Variants in SOX5 observed in about 807,000 individuals in gnomAD.
SOX5 encodes transcription factor SOX-5.
Under a neutral mutation model 92.0 loss-of-function variants are expected in SOX5, and 9 were observed. The ratio of observed to expected loss-of-function variants is 0.10; its 90% CI spans 0.06 to 0.17. The LOEUF (loss-of-function observed/expected upper bound fraction) is 0.17, where lower values mean the gene tolerates loss of function less well. Among genes scored for constraint, SOX5 ranks in the 10% least tolerant of loss-of-function variants. The pLI is 1.00. For missense variants in SOX5, 642 were observed against 944.5 expected (o/e 0.68, Z 4.20); for synonymous variants, 344 against 336.3 (o/e 1.02, Z -0.25).
At chr12:24,331,873 A>AAAAAAAAAAAAAAAT (rs777785887) in intron 2 of SOX5, among the ~76,000 whole-genome samples, 2 of 141,200 alleles carry the variant, frequency 1.4e-5, no homozygotes, top group Non-Finnish European at 3.2e-5. Flanking sequence ...AAAAAAAAAA[A>AAAAAAAAAAAAAAAT]AAGGAAAGAA....
intron 9 of SOX5, among the ~76,000 whole-genome samples, chr12:23,603,467 T>TAAAATA (rs1566226312): frequency 1.1e-5 from 1 of 92,044 alleles, no homozygotes; most frequent in Non-Finnish European, 2.9e-5. Flanking sequence ...TATATATATA[T>TAAAATA]TTTGCTGGTA....
intron 9 of SOX5, among the ~76,000 whole-genome samples, chr12:23,603,467 T>TATATATATATATATA (rs1566226312): frequency 1.1e-5 from 1 of 92,050 alleles, no homozygotes; most frequent in Non-Finnish European, 2.9e-5. Flanking sequence ...TATATATATA[T>TATATATATATATATA]TTTGCTGGTA....
intron 4 of SOX5, among the ~76,000 whole-genome samples, chr12:24,206,915 G>C (rs1351304223): frequency 6.6e-6 from 1 of 152,162 alleles, no homozygotes; most frequent in Non-Finnish European, 1.5e-5. Context: ...CATCCTTCTT[G>C]ATGGGAAGCA....
rs1019253575 is a variant in SOX5, at chr12:24,320,392, G to A, written c.-173-43080C>T. Among the ~76,000 whole-genome samples the A allele has an allele frequency of 3.3e-5, 5 of 151,986 alleles. No individual in the cohort carries two copies. In the East Asian group the frequency reaches 5.8e-4, roughly 18 times the overall value. On this transcript the variant is annotated intron_variant, in intron 2 of 4. Coordinates refer to the SOX5 transcript ENST00000446891. ...TTCATCTCACTATTCATTTTGTAAC[G>A]ATGTCACACTAAATTGATTGTCCTC...
At chr12:24,462,469 A>T (rs375670279) in intron 1 of SOX5, among the ~76,000 whole-genome samples, 1 of 152,272 alleles carries the variant, frequency 6.6e-6, no homozygotes, top group East Asian at 1.9e-4. Flanking sequence ...ATTTATTGTT[A>T]CTCTTTCAGG....
At chr12:23,579,233 A>C (rs1317745220) in intron 9 of SOX5, among the ~76,000 whole-genome samples, 1 of 152,198 alleles carries the variant, frequency 6.6e-6, no homozygotes, top group South Asian at 2.1e-4. Flanking sequence ...ATTCACCTAC[A>C]TTCAAGGCAG....
At chr12:24,198,500 A>C (rs1413670705) in intron 4 of SOX5, among the ~76,000 whole-genome samples, 1 of 152,196 alleles carries the variant, frequency 6.6e-6, no homozygotes, top group Non-Finnish European at 1.5e-5. Flanking sequence ...ATGTGAACTC[A>C]CTGTAAGCCC....
chr12:23,690,358 CA>C (rs1222470789), intron 6 of SOX5, among the ~76,000 whole-genome samples: 3 of 151,916 alleles, frequency 2.0e-5, no homozygotes, highest in African/African-American at 7.3e-5. Context: ...CATAGAAAGA[CA>C]TATTCATTTA....
chr12:24,024,539 T>C (rs1023226074), intron 4 of SOX5, among the ~76,000 whole-genome samples: 1 of 152,038 alleles, frequency 6.6e-6, no homozygotes, highest in African/African-American at 2.4e-5. Context: ...ATTCAGAGAA[T>C]ACGGGAATTC....
rs145028747 is a variant in SOX5 at position 24,357,711 on chromosome 12, C to T, written c.-174+10852G>A. On this transcript the variant is annotated intron_variant, in intron 2 of 4. Coordinates refer to the SOX5 transcript ENST00000446891. ...ACAAAATCTTAGCTGGGCGTGGTGG[C>T]GTGGGCCTGTAATCCCAGCTACTCT... Among the ~76,000 whole-genome samples the T allele has an allele frequency of 2.2e-3, 336 of 152,016 alleles. 1 individual carries two copies. The highest frequency in any genetic ancestry group is 5.6e-3 in the Admixed American group (86 of 15,260).
At chr12:24,055,280 C>T (rs1447012638) in intron 4 of SOX5, among the ~76,000 whole-genome samples, 1 of 152,160 alleles carries the variant, frequency 6.6e-6, no homozygotes, top group Non-Finnish European at 1.5e-5. Context: ...TGATTCATGC[C>T]AGTGACTCAT....
chr12:24,299,326 G>C (rs1947687378), intron 2 of SOX5, among the ~76,000 whole-genome samples: 1 of 152,126 alleles, frequency 6.6e-6, no homozygotes, highest in East Asian at 1.9e-4. Context: ...TTACGTGTCA[G>C]AATAAATGGG....
chr12:23,658,667 G>T (rs1390597832), intron 7 of SOX5, among the ~76,000 whole-genome samples: 1 of 152,092 alleles, frequency 6.6e-6, no homozygotes, highest in Admixed American at 6.6e-5. Flanking sequence ...CAAGATGGGT[G>T]GATCACTTGA....
chr12:24,285,646 G>A (rs1311985330), intron 2 of SOX5, among the ~76,000 whole-genome samples: 2 of 152,072 alleles, frequency 1.3e-5, no homozygotes, highest in East Asian at 3.9e-4. Context: ...AGGTGGCAGC[G>A]ACTAGTTAAC....
At chr12:23,568,841 C>G (rs1015272612) in intron 10 of SOX5, among the ~76,000 whole-genome samples, 1 of 150,408 alleles carries the variant, frequency 6.6e-6, no homozygotes, top group Non-Finnish European at 1.5e-5. Flanking sequence ...GGCTTACACT[C>G]TTTGAATTCA....
chr12:24,286,845 C>G (rs1165318710), intron 2 of SOX5, among the ~76,000 whole-genome samples: 1 of 152,234 alleles, frequency 6.6e-6, no homozygotes, highest in Non-Finnish European at 1.5e-5. Flanking sequence ...GTCACTCTGG[C>G]TTTGTTACTT....
chr12:24,342,131 T>C (rs897961601), intron 2 of SOX5, among the ~76,000 whole-genome samples: 8 of 152,298 alleles, frequency 5.3e-5, no homozygotes, highest in African/African-American at 1.2e-4. Flanking sequence ...CAACAACTTG[T>C]AGGAAATCTC....
At chr12:24,112,450 A>G (rs73277213) in intron 4 of SOX5, among the ~76,000 whole-genome samples, 2,998 of 147,976 alleles carry the variant, frequency 0.02, 100 homozygotes, top group African/African-American at 0.07. Flanking sequence ...GTTGACCCCT[A>G]TTGGAGAGCA....
chr12:24,438,822 T>C (rs1359796735), intron 1 of SOX5, among the ~76,000 whole-genome samples: 1 of 152,222 alleles, frequency 6.6e-6, no homozygotes, highest in Non-Finnish European at 1.5e-5. Context: ...AAGAGGTTTC[T>C]TAAAATGGAA....
Sources: gnomAD v4.1 joint callset for allele counts (sites outside exome capture counted in the v4.1 genomes callset) on GRCh38, gnomAD v4.1.1 for gene constraint, MANE v1.5 for transcripts, NCBI Gene and HGNC (gene_info 2026-07-23, HGNC 2026-07-21) for gene names.